CYSTM1: variants seen among roughly 807,000 people sequenced by gnomAD.
CYSTM1 encodes cysteine rich transmembrane module containing 1, also known as cysteine-rich transmembrane module-containing protein 1.
A neutral mutation model predicts 13.1 loss-of-function variants in CYSTM1; 4 were observed. The observed-to-expected ratio is 0.31, with a 90% CI of 0.15 to 0.70. The LOEUF is 0.70. CYSTM1 is among the 30% of genes least tolerant of loss of function. The probability of loss-of-function intolerance (pLI) is 0.72; values close to 1 mark genes in which losing one functional copy is unlikely to be tolerated. For synonymous variants in CYSTM1, 36 were observed against 42.7 expected, an observed-to-expected ratio of 0.84 and a Z score of 0.62; for missense variants, 96 against 121.6, an observed-to-expected ratio of 0.79 and a Z score of 0.99.
At chr5:140,240,560 C>T (rs529283304) in intron 2 of CYSTM1, among the ~76,000 whole-genome samples, 1 of 151,932 alleles carries the variant, frequency 6.6e-6, no homozygotes, top group African/African-American at 2.4e-5. Context: ...AGGCAGAGTC[C>T]CCCATTGGGA....
chr5:140,211,110 A>T (rs1305014922), intron 2 of CYSTM1, among the ~76,000 whole-genome samples: 1 of 152,226 alleles, frequency 6.6e-6, no homozygotes, highest in Non-Finnish European at 1.5e-5. Flanking sequence ...TTAATTATTA[A>T]ATAATAAATA....
chr5:140,192,151 C>T (rs955268874), intron 1 of CYSTM1, among the ~76,000 whole-genome samples: 76 of 152,276 alleles, frequency 5.0e-4, no homozygotes, highest in African/African-American at 1.8e-3. Flanking sequence ...CATAGAGTTT[C>T]AATTTATAAT....
At chr5:140,236,327 T>G (rs902855300) in intron 2 of CYSTM1, among the ~76,000 whole-genome samples, 3 of 152,186 alleles carry the variant, frequency 2.0e-5, no homozygotes, top group Admixed American at 6.5e-5. Context: ...CCTGCAGTCT[T>G]GTGGCTTGGA....
chr5:140,232,643 A>G (rs1651330321), intron 2 of CYSTM1, among the ~76,000 whole-genome samples: 1 of 152,210 alleles, frequency 6.6e-6, no homozygotes, highest in African/African-American at 2.4e-5. Context: ...TGTGAAGGAA[A>G]TCAACAGAAG....
At position 140,186,450 on chromosome 5, in the gene CYSTM1, C is replaced by T. The variant is rs79499690; in HGVS notation, c.-20-7996C>T. Among the ~76,000 whole-genome samples the T allele has an allele frequency of 2.3e-4, 35 of 152,356 alleles. No homozygotes were observed. In the East Asian group the frequency reaches 5.8e-3, roughly 25 times the overall value. ...TGAAACATCTCACAGATTCTTGCCT[C>T]TGCAGAGTATGAAATTTGGAGTAAT... is the stretch of plus-strand genomic sequence containing the variant. On this transcript the variant is annotated intron_variant, in intron 1 of 2. Transcript: ENST00000261811.
chr5:140,224,053 TAC>T (rs1764520924), intron 2 of CYSTM1, among the ~76,000 whole-genome samples: 1 of 152,230 alleles, frequency 6.6e-6, no homozygotes, highest in South Asian at 2.1e-4. Context: ...TGGATCCCTG[TAC>T]GTACTCTCCA....
intron 1 of CYSTM1, among the ~76,000 whole-genome samples, chr5:140,177,076 A>AC (rs1763898983): frequency 6.6e-6 from 1 of 151,110 alleles, no homozygotes; most frequent in Non-Finnish European, 1.5e-5. Context: ...CTCAAAAAAA[A>AC]AAAAAAAAAA....
intron 2 of CYSTM1, among the ~76,000 whole-genome samples, chr5:140,212,481 T>C (rs936045474): frequency 1.3e-5 from 2 of 152,162 alleles, no homozygotes; most frequent in African/African-American, 4.8e-5. Flanking sequence ...TACTGGCTTA[T>C]GTGGTTTGGC....
chr5:140,242,090 T>C (rs993765050), intron 2 of CYSTM1, among the ~76,000 whole-genome samples: 2 of 152,154 alleles, frequency 1.3e-5, no homozygotes, highest in African/African-American at 4.8e-5. Context: ...TTAGGAGGCC[T>C]CAGAATAAAT....
At chr5:140,177,907 C>G (rs970817736) in intron 1 of CYSTM1, among the ~76,000 whole-genome samples, 1 of 152,168 alleles carries the variant, frequency 6.6e-6, no homozygotes, top group Admixed American at 6.5e-5. Context: ...CAGTCCACCC[C>G]CTCCTTTCCC....
chr5:140,222,699 A>C (rs1764505579), intron 2 of CYSTM1, among the ~76,000 whole-genome samples: 1 of 152,184 alleles, frequency 6.6e-6, no homozygotes, highest in Admixed American at 6.5e-5. Context: ...CCTGCCTAGA[A>C]GGATGTTGGT....
intron 1 of CYSTM1, among the ~76,000 whole-genome samples, chr5:140,190,647 G>A (rs1047461632): frequency 2.6e-5 from 4 of 152,120 alleles, no homozygotes; most frequent in East Asian, 1.9e-4. Flanking sequence ...ACTTTGATGA[G>A]GTCTTATCTC....
At chr5:140,241,527 T>C (rs111558303) in intron 2 of CYSTM1, among the ~76,000 whole-genome samples, 146 of 152,340 alleles carry the variant, frequency 9.6e-4, no homozygotes, top group Non-Finnish European at 1.4e-3. Context: ...GGCCTGCACA[T>C]GAATCAAGCA....
At chr5:140,217,151 T>A (rs1306483280) in intron 2 of CYSTM1, among the ~76,000 whole-genome samples, 1 of 152,156 alleles carries the variant, frequency 6.6e-6, no homozygotes, top group South Asian at 2.1e-4. Context: ...TTGAAATGAG[T>A]CCATTTGCTA....
chr5:140,242,022 G>A (rs1764755587), intron 2 of CYSTM1, among the ~76,000 whole-genome samples: 1 of 152,184 alleles, frequency 6.6e-6, no homozygotes, highest in Admixed American at 6.5e-5. Flanking sequence ...CTGTGAAGTG[G>A]GAATGATGGT....
At chr5:140,237,801 G>A (rs7722986) in intron 2 of CYSTM1, among the ~76,000 whole-genome samples, 35,106 of 152,116 alleles carry the variant, frequency 0.23, 4,085 homozygotes, top group African/African-American at 0.25. Context: ...GGGGTTCCCT[G>A]GGCTTCATCA....
chr5:140,234,508 A>C (rs926835548), intron 2 of CYSTM1, among the ~76,000 whole-genome samples: 7 of 152,218 alleles, frequency 4.6e-5, no homozygotes, highest in African/African-American at 1.4e-4. Flanking sequence ...ATGGGTATTT[A>C]AGTGGGATTG....
intron 2 of CYSTM1, among the ~76,000 whole-genome samples, chr5:140,209,851 C>T (rs1218118760): frequency 4.6e-5 from 7 of 152,208 alleles, no homozygotes; most frequent in South Asian, 2.1e-4. Context: ...TGAGCCACCG[C>T]GCCTGGCTGT....
At chr5:140,200,943 C>T (rs770164376) in intron 2 of CYSTM1, 1 of 152,172 alleles carries the variant, frequency 6.6e-6, no homozygotes, top group Admixed American at 6.5e-5. Context: ...AATATTTGGT[C>T]TTTTGTTACA....
Sources: allele counts gnomAD v4.1 joint callset (sites outside exome capture counted in the v4.1 genomes callset), GRCh38; gene constraint gnomAD v4.1.1; transcripts MANE v1.5; gene names NCBI Gene and HGNC (gene_info 2026-07-23, HGNC 2026-07-21).